Variants in RBFOX1 observed in about 807,000 individuals in gnomAD.
RBFOX1 encodes the protein RNA binding protein fox-1 homolog 1.
Under a neutral mutation model 57.7 loss-of-function variants are expected in RBFOX1, and 8 were observed. The ratio of observed to expected loss-of-function variants is 0.14; its 90% confidence interval spans 0.08 to 0.25. The LOEUF is 0.25. RBFOX1 is among the 10% of genes least tolerant of loss of function. The pLI is 1.00. For synonymous variants in RBFOX1, 326 were observed against 222.4 expected, an observed-to-expected ratio of 1.47 and a Z score of -4.15; for missense variants, 611 against 548.5, an observed-to-expected ratio of 1.11 and a Z score of -1.14.
At chr16:6,548,680 CAGA>C (rs771483865) in intron 2 of RBFOX1, among the ~76,000 whole-genome samples, 1 of 152,156 alleles carries the variant, frequency 6.6e-6, no homozygotes, top group Non-Finnish European at 1.5e-5. Context: ...GCGGTTGAGT[CAGA>C]AGATTTCACG....
chr16:6,598,621 T>G (rs1364146528), intron 2 of RBFOX1, among the ~76,000 whole-genome samples: 1 of 151,208 alleles, frequency 6.6e-6, no homozygotes, highest in East Asian at 2.1e-4. Flanking sequence ...TGATAAACAG[T>G]ATTATGTGAC....
chr16:6,099,371 C>A (rs1286292686), intron 1 of RBFOX1, among the ~76,000 whole-genome samples: 1 of 152,148 alleles, frequency 6.6e-6, no homozygotes, highest in East Asian at 1.9e-4. Context: ...TGATAGGGTC[C>A]TGTTGTCTAT....
intron 4 of RBFOX1, among the ~76,000 whole-genome samples, chr16:7,173,437 T>C (rs1346296248): frequency 6.6e-6 from 1 of 152,192 alleles, no homozygotes; most frequent in Non-Finnish European, 1.5e-5. Flanking sequence ...TCAGTGACTC[T>C]GAAAGGGAGG....
intron 3 of RBFOX1, among the ~76,000 whole-genome samples, chr16:6,927,128 C>T (rs1349673648): frequency 2.0e-5 from 3 of 152,074 alleles, no homozygotes; most frequent in Admixed American, 2.0e-4. Context: ...GTTTGATCCC[C>T]TAGAGACTTA....
chr16:7,009,924 T>C (rs551050005), intron 3 of RBFOX1, among the ~76,000 whole-genome samples: 5 of 152,358 alleles, frequency 3.3e-5, no homozygotes, highest in South Asian at 2.1e-4. Context: ...TTATAAATGG[T>C]TCTTTTGCCA....
chr16:6,882,914 T>A (rs2063251251), intron 3 of RBFOX1, among the ~76,000 whole-genome samples: 1 of 152,188 alleles, frequency 6.6e-6, no homozygotes, highest in Non-Finnish European at 1.5e-5. Context: ...CCAGGAGTTA[T>A]GAATTGAATC....
intron 4 of RBFOX1, among the ~76,000 whole-genome samples, chr16:7,273,624 A>G (rs1403144357): frequency 6.6e-6 from 1 of 152,198 alleles, no homozygotes; most frequent in Non-Finnish European, 1.5e-5. Flanking sequence ...TTTCCTGACA[A>G]TGAATGAGAA....
intron 3 of RBFOX1, among the ~76,000 whole-genome samples, chr16:6,958,775 T>G (rs905173399): frequency 3.3e-5 from 5 of 152,150 alleles, no homozygotes; most frequent in Non-Finnish European, 5.9e-5. Context: ...GGCAGAAACA[T>G]TAATGAAAAT....
At chr16:5,242,589 C>T (rs1412912196) in intron 1 of RBFOX1, among the ~76,000 whole-genome samples, 1 of 152,170 alleles carries the variant, frequency 6.6e-6, no homozygotes, top group Non-Finnish European at 1.5e-5. Context: ...TCTTCACTCA[C>T]AGGCCATGTC....
intron 4 of RBFOX1, among the ~76,000 whole-genome samples, chr16:7,149,739 C>T (rs186454160): frequency 7.4e-4 from 113 of 152,106 alleles, no homozygotes; most frequent in Non-Finnish European, 1.1e-3. Flanking sequence ...TCCCTCTCTA[C>T]ACCCGCCTCT....
intron 4 of RBFOX1, among the ~76,000 whole-genome samples, chr16:7,313,028 G>A (rs1230902552): frequency 1.3e-5 from 2 of 152,118 alleles, no homozygotes; most frequent in African/African-American, 4.8e-5. Context: ...TCTGTTGTAG[G>A]AGAGGCAGCG....
At chr16:7,034,667 A>G (rs1037249594) in intron 3 of RBFOX1, among the ~76,000 whole-genome samples, 3 of 151,406 alleles carry the variant, frequency 2.0e-5, no homozygotes, top group African/African-American at 7.3e-5. Flanking sequence ...GGCCCTCTTT[A>G]TTGGGGAGCA....
chr16:7,097,374 G>C (rs934929462), intron 4 of RBFOX1, among the ~76,000 whole-genome samples: 2 of 152,094 alleles, frequency 1.3e-5, no homozygotes, highest in East Asian at 1.9e-4. Flanking sequence ...TGGTAGATTA[G>C]AGTTGCTTGC....
At chr16:5,690,670 A>G (rs1390896156) in intron 3 of RBFOX1, among the ~76,000 whole-genome samples, 1 of 152,192 alleles carries the variant, frequency 6.6e-6, no homozygotes, top group Non-Finnish European at 1.5e-5. Flanking sequence ...GATTTAGTAC[A>G]TGACTGACAT....
At chr16:5,790,820 G>A (rs1008458456) in intron 3 of RBFOX1, among the ~76,000 whole-genome samples, 1 of 151,652 alleles carries the variant, frequency 6.6e-6, no homozygotes, top group African/African-American at 2.4e-5. Context: ...TGCTCTTGTG[G>A]CCCTCTGCCC....
At chr16:5,488,936 C>G (rs2042735179) in intron 2 of RBFOX1, among the ~76,000 whole-genome samples, 1 of 152,174 alleles carries the variant, frequency 6.6e-6, no homozygotes, top group Non-Finnish European at 1.5e-5. Flanking sequence ...ACTTACATGT[C>G]AGTATTCTGG....
chr16:6,896,274 A>G (rs893378521), intron 3 of RBFOX1, among the ~76,000 whole-genome samples: 1 of 152,192 alleles, frequency 6.6e-6, no homozygotes, highest in African/African-American at 2.4e-5. Flanking sequence ...ACAAAACATA[A>G]AACAGTTTAT....
At chr16:6,899,571 C>T (rs1482302048) in intron 3 of RBFOX1, among the ~76,000 whole-genome samples, 2 of 152,138 alleles carry the variant, frequency 1.3e-5, no homozygotes, top group Non-Finnish European at 1.5e-5. Context: ...CATCTCTCAC[C>T]ATCTGTGAGA....
intron 4 of RBFOX1, among the ~76,000 whole-genome samples, chr16:5,965,438 C>G (rs2059824203): frequency 6.6e-6 from 1 of 152,092 alleles, no homozygotes; most frequent in East Asian, 1.9e-4. Context: ...ATTTGTCAAC[C>G]ATACCTCCAC....
Sources: gnomAD v4.1 joint callset for allele counts (sites outside exome capture counted in the v4.1 genomes callset) on GRCh38, gnomAD v4.1.1 for gene constraint, MANE v1.5 for transcripts, NCBI Gene and HGNC (gene_info 2026-07-23, HGNC 2026-07-21) for gene names.